PTPRU: variants seen among roughly 807,000 people sequenced by gnomAD.
The protein encoded by PTPRU is protein tyrosine phosphatase receptor type U.
A neutral mutation model predicts 166.3 loss-of-function variants in PTPRU; 69 were observed. The observed-to-expected ratio is 0.41, with a 90% CI of 0.34 to 0.51. The LOEUF is 0.51. Ranked by LOEUF, PTPRU falls within the 20% of genes least tolerant of loss-of-function variation. PTPRU has a pLI of 0.09. For missense variants in PTPRU, 1,657 were observed against 2,013.7 expected (o/e 0.82, Z 3.39); for synonymous variants, 793 against 814.0 (o/e 0.97, Z 0.44).
At chr1:29,240,923 C>T (rs1311965254) in intron 1 of PTPRU, among the ~76,000 whole-genome samples, 1 of 152,068 alleles carries the variant, frequency 6.6e-6, no homozygotes, top group East Asian at 1.9e-4. Context: ...CGCTTGTGCA[C>T]CGGAGGGAAG....
At chr1:29,305,737 A>T in intron 18 of PTPRU, 1 of 538,734 alleles carries the variant, frequency 1.9e-6, no homozygotes, top group Admixed American at 2.2e-5. Flanking sequence ...TGGGATTCTC[A>T]TCGTGCACCA....
At position 29,259,526 on chromosome 1, in the gene PTPRU, G is replaced by T. The variant is rs374665975; in HGVS notation, c.637G>T (p.Ala213Ser). 6.2e-7 allele frequency: 1 copy of T among 1,608,654 alleles called. No individual in the cohort carries two copies. The highest frequency in any genetic ancestry group is 1.1e-5 in the South Asian group (1 of 90,912). Residue 213 changes from alanine (A) to serine (S), a missense_variant, in exon 5 of 30, where the codon GCG becomes TCG. This residue lies in a region of PTPRU where 453 missense variants were observed against 496.9 expected (regional missense o/e 0.91). Coordinates refer to ENST00000373779, the MANE Select transcript of PTPRU (RefSeq NM_133178.4). ...GQNASFQCMA[A>S]GRAAEAERFL... ...GAACGCGTCGTTCCAGTGCATGGCCGCGGGCAGAGCGGCCGAGGCCGAACG... is the reference window on the plus strand; with the variant it reads ...GAACGCGTCGTTCCAGTGCATGGCCTCGGGCAGAGCGGCCGAGGCCGAACG...
Position 29,311,869 on chromosome 1 carries a change from C to A in PTPRU, c.3072+110C>A. 9.3e-7 allele frequency: 1 copy of A among 1,072,770 alleles called. No individual in the cohort carries two copies. The highest frequency in any genetic ancestry group is 1.4e-6 in the Non-Finnish European group (1 of 725,200). The allele number at this position is 1,072,770 out of a possible 1,614,324, so 66.5% of individuals were successfully genotyped here. On this transcript the variant is annotated intron_variant, in intron 21 of 29. Transcript: ENST00000373779. This position sits in a 1 kb window ranked among gnomAD's most constrained non-coding sequence, Gnocchi z 4.1. ...AGGAGGGTGAGGAGCGCACCACTGCCCATCCCAGCAAGGAAGCTACTTGGT... is the reference window on the plus strand; with the variant it reads ...AGGAGGGTGAGGAGCGCACCACTGCACATCCCAGCAAGGAAGCTACTTGGT...
chr1:29,268,504 G>A (rs1685400726), intron 7 of PTPRU, among the ~76,000 whole-genome samples: 1 of 152,318 alleles, frequency 6.6e-6, no homozygotes, highest in Non-Finnish European at 1.5e-5. Flanking sequence ...AGTCTAAAAT[G>A]TTCATAGTGC....
chr1:29,258,045 A>T (rs562328723), intron 2 of PTPRU, among the ~76,000 whole-genome samples: 2 of 151,874 alleles, frequency 1.3e-5, no homozygotes, highest in South Asian at 4.2e-4. Context: ...GCTCACTGCA[A>T]CCTCTGCCTC....
rs1385013977 is a variant in PTPRU, at chr1:29,258,747, G to A, written c.448G>A (p.Val150Ile). Reference sequence around the variant, plus strand: ...TCAGTGGCACCAGGCTGAGCTGGCTGTCAGCACTTTCTGGCCCAATGAATA... The same window carrying A: ...TCAGTGGCACCAGGCTGAGCTGGCTATCAGCACTTTCTGGCCCAATGAATA... Reference protein sequence around the residue: ...GRQWHQAELAVSTFWPNEYQV... With the variant: ...GRQWHQAELAISTFWPNEYQV... The change falls in exon 3 of 30, where the codon GTC (valine) becomes ATC (isoleucine). Residue 150 changes from valine (V) to isoleucine (I), a missense_variant. By Grantham distance (29) the Val-to-Ile change is conservative. Coordinates refer to ENST00000373779, the MANE Select transcript of PTPRU (RefSeq NM_133178.4). The A allele has an allele frequency of 6.3e-7, 1 of 1,594,820 alleles. No homozygotes were observed. The highest frequency in any genetic ancestry group is 8.6e-7 in the Non-Finnish European group (1 of 1,169,276).
chr1:29,248,864 G>A (rs1254360721), intron 1 of PTPRU, among the ~76,000 whole-genome samples: 9 of 152,052 alleles, frequency 5.9e-5, no homozygotes, highest in Admixed American at 4.6e-4. Context: ...GCGCCTGCCC[G>A]GGAGACCTCC....
intron 14 of PTPRU, 93 bp downstream of exon 14, chr1:29,284,962 G>T: frequency 6.7e-7 from 1 of 1,485,426 alleles, no homozygotes. Flanking sequence ...TGGTAGGGCA[G>T]CTGTCCTGCA....
At chr1:29,324,582 C>T (rs1461959793) in intron 28 of PTPRU, among the ~76,000 whole-genome samples, 1 of 152,198 alleles carries the variant, frequency 6.6e-6, no homozygotes, top group Non-Finnish European at 1.5e-5. Flanking sequence ...CCTGTTCCAC[C>T]TTGCTCTCTG....
At chr1:29,318,073 G>C in intron 25 of PTPRU, 152 bp downstream of exon 25, 1 of 1,083,412 alleles carries the variant, frequency 9.2e-7, no homozygotes, top group Non-Finnish European at 1.3e-6. Flanking sequence ...CCTACTCCTA[G>C]GGAGCTTCCA....
chr1:29,287,481 C>T (rs1397351403), intron 14 of PTPRU, among the ~76,000 whole-genome samples: 1 of 152,152 alleles, frequency 6.6e-6, no homozygotes, highest in African/African-American at 2.4e-5. Flanking sequence ...CGGGTCTCCC[C>T]ACTCTGAGGT....
chr1:29,323,467 C>T lies in PTPRU; in HGVS notation c.3925C>T (p.Arg1309Ter), dbSNP rs1218134256. ...SGTADEDLVA[R>*]VFRVQNISRL... ...CACAGCTGATGAAGACTTAGTGGCT[C>T]GAGTCTTCCGGGTGCAGAACATCTC... The change falls in exon 27 of 30, where the codon CGA (arginine) becomes TGA (stop). Residue 1309 changes from arginine (R) to a stop codon, truncating the protein, a stop_gained. Transcript: ENST00000373779. LOFTEE classifies it high-confidence loss of function. 10 of 1,606,052 alleles carry T rather than the reference C, an allele frequency of 6.2e-6. No homozygotes were observed. The highest frequency in any genetic ancestry group is 4.5e-5 in the East Asian group (2 of 44,442).
chr1:29,277,320 C>T (rs1429308924), intron 8 of PTPRU, among the ~76,000 whole-genome samples: 4 of 152,044 alleles, frequency 2.6e-5, no homozygotes, highest in Non-Finnish European at 5.9e-5. Context: ...AGGCTGGTCT[C>T]GAACTCCTGA....
chr1:29,271,284 G>T lies in PTPRU; in HGVS notation c.1145-4164G>T, dbSNP rs916130951. On this transcript the variant is annotated intron_variant, in intron 7 of 29. Transcript: ENST00000373779. The surrounding 1 kb of genome is among the most constrained non-coding windows in gnomAD (Gnocchi z 4.4). ...TTGACAGTTGAAGAGAGTGTGTCTG[G>T]GTGCCAGATGGTTTTTAGAAACGTG... 5.9e-5 allele frequency among the ~76,000 whole-genome samples: 9 copies of T among 152,102 alleles called. No individual in the cohort carries two copies. The highest frequency in any genetic ancestry group is 2.2e-4 in the African/African-American group (9 of 41,406).
intron 7 of PTPRU, among the ~76,000 whole-genome samples, chr1:29,273,216 G>A (rs2151950204): frequency 6.6e-6 from 1 of 152,310 alleles, no homozygotes; most frequent in South Asian, 2.1e-4. Context: ...GCAGGACTAA[G>A]GGCTGAGTCC....
intron 1 of PTPRU, among the ~76,000 whole-genome samples, chr1:29,245,478 G>T (rs777494722): frequency 5.9e-5 from 9 of 152,200 alleles, no homozygotes; most frequent in Admixed American, 1.3e-4. Context: ...CACTGTTGCA[G>T]CGTGCCAGGC....
chr1:29,249,942 A>G (rs776141929), intron 1 of PTPRU, among the ~76,000 whole-genome samples: 8 of 151,778 alleles, frequency 5.3e-5, no homozygotes, highest in African/African-American at 7.3e-5. Context: ...ATTGGCCTCA[A>G]CCTCCCTTCC....
In PTPRU at chr1:29,284,874, G is replaced by A; in HGVS notation, c.2318+5G>A. 6.2e-7 allele frequency: 1 copy of A among 1,605,824 alleles called. No homozygotes were observed. The highest frequency in any genetic ancestry group is 1.1e-5 in the South Asian group (1 of 89,806). ...CATTGTCATCATCCGCAAAGGGTGA[G>A]TGAGGCCGGTGCCCTGTCCCACCAG... On this transcript the variant is annotated splice_donor_5th_base_variant and intron_variant, in intron 14 of 29. Transcript: ENST00000373779.
chr1:29,249,477 CAGGG>C (rs1684451663), intron 1 of PTPRU, among the ~76,000 whole-genome samples: 2 of 152,342 alleles, frequency 1.3e-5, no homozygotes, highest in South Asian at 4.1e-4. Flanking sequence ...TTCACCCTCT[CAGGG>C]AGGCCTCTGT....
Sources: gnomAD v4.1 joint callset for allele counts (sites outside exome capture counted in the v4.1 genomes callset) on GRCh38, gnomAD v4.1.1 for gene constraint, gnomAD v4.1.1 regional missense constraint, Gnocchi (gnomAD v3.1) non-coding constraint, MANE v1.5 for transcripts, NCBI Gene and HGNC (gene_info 2026-07-23, HGNC 2026-07-21) for gene names.